TJP1: variants seen among roughly 807,000 people sequenced by gnomAD.
TJP1 encodes tight junction protein 1, also known as tight junction protein ZO-1.
Under a neutral mutation model 194.2 loss-of-function variants are expected in TJP1, and 43 were observed. The ratio of observed to expected loss-of-function variants is 0.22; its 90% CI spans 0.17 to 0.29. The LOEUF (loss-of-function observed/expected upper bound fraction) is 0.29, where lower values mean the gene tolerates loss of function less well. TJP1 is among the 10% of genes least tolerant of loss of function. The pLI is 1.00. For missense variants in TJP1, 1,971 were observed against 2,185.7 expected, an observed-to-expected ratio of 0.90 and a Z score of 1.96; for synonymous variants, 801 against 779.0, an observed-to-expected ratio of 1.03 and a Z score of -0.47.
intron 2 of TJP1, among the ~76,000 whole-genome samples, chr15:29,892,665 T>C (rs771272648): frequency 6.6e-6 from 1 of 152,182 alleles, no homozygotes; most frequent in African/African-American, 2.4e-5. Context: ...CTATACCCTA[T>C]AAAAGGAACA....
intron 2 of TJP1, among the ~76,000 whole-genome samples, chr15:29,925,411 T>A (rs1230300368): frequency 6.6e-6 from 1 of 152,160 alleles, no homozygotes; most frequent in Non-Finnish European, 1.5e-5. Flanking sequence ...CTCTGGCACA[T>A]CTGCCACCAG....
At chr15:29,780,761 C>T (rs1042247487) in intron 2 of TJP1, among the ~76,000 whole-genome samples, 4 of 151,826 alleles carry the variant, frequency 2.6e-5, no homozygotes, top group African/African-American at 9.7e-5. Flanking sequence ...AGGAAGAATT[C>T]GAGACCAAAT....
chr15:29,752,077 C>G (rs1009645331), intron 8 of TJP1, among the ~76,000 whole-genome samples: 3 of 151,786 alleles, frequency 2.0e-5, no homozygotes, highest in Non-Finnish European at 2.9e-5. Flanking sequence ...CACAGATGTG[C>G]ACCACCACGC....
intron 2 of TJP1, among the ~76,000 whole-genome samples, chr15:29,866,025 CT>C (rs1486446652): frequency 6.6e-6 from 1 of 152,276 alleles, no homozygotes; most frequent in Non-Finnish European, 1.5e-5. Flanking sequence ...TAAAGGCATA[CT>C]TTCATCTTGG....
At chr15:29,900,292 T>C (rs903410952) in intron 2 of TJP1, among the ~76,000 whole-genome samples, 2 of 152,252 alleles carry the variant, frequency 1.3e-5, no homozygotes, top group Admixed American at 1.3e-4. Context: ...GTACAGGCCT[T>C]CCTTTGGCTT....
intron 8 of TJP1, 108 bp from the exon 9 acceptor site, chr15:29,742,889 C>T (rs2044518081): frequency 2.0e-6 from 2 of 1,004,012 alleles, no homozygotes; most frequent in Admixed American, 3.4e-5. Flanking sequence ...CAATGACAAC[C>T]TGCTCTAACA....
chr15:29,889,887 C>T (rs2053245052), intron 2 of TJP1, among the ~76,000 whole-genome samples: 1 of 152,216 alleles, frequency 6.6e-6, no homozygotes, highest in African/African-American at 2.4e-5. Context: ...TGGTAAACGA[C>T]TTCACTAAAC....
intron 8 of TJP1, among the ~76,000 whole-genome samples, chr15:29,743,852 C>T (rs1490169259): frequency 6.6e-6 from 1 of 152,132 alleles, no homozygotes; most frequent in Non-Finnish European, 1.5e-5. Flanking sequence ...CACATTTAAC[C>T]TCACTAGGAA....
intron 2 of TJP1, among the ~76,000 whole-genome samples, chr15:29,948,646 C>T (rs2055368143): frequency 6.6e-6 from 1 of 152,084 alleles, no homozygotes; most frequent in South Asian, 2.1e-4. Context: ...CACAAGCCTA[C>T]CGAGGAAGCC....
intron 9 of TJP1, among the ~76,000 whole-genome samples, chr15:29,742,348 T>C (rs1029453283): frequency 6.6e-6 from 1 of 152,346 alleles, no homozygotes; most frequent in Non-Finnish European, 1.5e-5. Context: ...TTTTAAATTT[T>C]TGAAGCCAAT....
At chr15:29,949,651 C>A (rs2055541497) in intron 2 of TJP1, among the ~76,000 whole-genome samples, 3 of 128,012 alleles carry the variant, frequency 2.3e-5, no homozygotes, top group Non-Finnish European at 3.4e-5. Context: ...CCACCACCAC[C>A]ACCTCCACCT....
intron 1 of TJP1, among the ~76,000 whole-genome samples, chr15:29,961,472 C>G (rs1596331757): frequency 6.6e-6 from 1 of 151,958 alleles, no homozygotes; most frequent in East Asian, 1.9e-4. Flanking sequence ...CCTCAGCCTC[C>G]CGAGTAGTTT....
chr15:29,917,349 C>T (rs1332818585), intron 2 of TJP1, among the ~76,000 whole-genome samples: 1 of 152,210 alleles, frequency 6.6e-6, no homozygotes, highest in African/African-American at 2.4e-5. Flanking sequence ...ATGCTCACTA[C>T]TATTAAAAAT....
intron 1 of TJP1, among the ~76,000 whole-genome samples, chr15:29,815,839 T>G (rs977965403): frequency 2.0e-5 from 3 of 152,166 alleles, no homozygotes; most frequent in Non-Finnish European, 4.4e-5. Flanking sequence ...GAAAAGAGAT[T>G]AAAGAGCAAG....
At chr15:29,831,750 G>C (rs188585417) in intron 2 of TJP1, among the ~76,000 whole-genome samples, 258 of 152,250 alleles carry the variant, frequency 1.7e-3, no homozygotes, top group Non-Finnish European at 2.6e-3. Flanking sequence ...ATAAGGAAGG[G>C]ACCCCTTTTT....
intron 2 of TJP1, among the ~76,000 whole-genome samples, chr15:29,869,306 G>C (rs1276187772): frequency 6.6e-6 from 1 of 152,140 alleles, no homozygotes; most frequent in Non-Finnish European, 1.5e-5. Context: ...CAGCTACAAA[G>C]GGCTGGCTTC....
At chr15:29,934,447 G>A (rs1446337778) in intron 2 of TJP1, among the ~76,000 whole-genome samples, 1 of 152,166 alleles carries the variant, frequency 6.6e-6, no homozygotes, top group African/African-American at 2.4e-5. Context: ...AGTTTATATT[G>A]AGGTTGCCCT....
chr15:29,762,849 C>T (rs2046094621), intron 5 of TJP1, among the ~76,000 whole-genome samples: 1 of 152,182 alleles, frequency 6.6e-6, no homozygotes, highest in Middle Eastern at 3.2e-3. Flanking sequence ...ACCCTCCTGC[C>T]TCAGGCTCCA....
intron 2 of TJP1, among the ~76,000 whole-genome samples, chr15:29,774,503 C>G (rs1456766716): frequency 3.9e-5 from 6 of 152,016 alleles, no homozygotes; most frequent in Non-Finnish European, 7.4e-5. Context: ...AAACCAGTCA[C>G]AAAGGTTAAT....
Sources: gnomAD v4.1 joint callset for allele counts (sites outside exome capture counted in the v4.1 genomes callset) on GRCh38, gnomAD v4.1.1 for gene constraint, MANE v1.5 for transcripts, NCBI Gene and HGNC (gene_info 2026-07-23, HGNC 2026-07-21) for gene names.